RHBDD1: variants seen among roughly 807,000 people sequenced by gnomAD.
RHBDD1 encodes rhomboid-related protein 4.
A neutral mutation model predicts 36.3 loss-of-function variants in RHBDD1; 38 were observed. That is an observed-to-expected ratio of 1.05 (90% CI 0.81 to 1.37). The LOEUF is 1.37. Ranked by LOEUF, RHBDD1 falls within the 40% of genes most tolerant of loss-of-function variation. RHBDD1 has a pLI of 0.00. For missense variants in RHBDD1, 393 were observed against 377.6 expected (o/e 1.04, Z -0.34); for synonymous variants, 151 against 136.5 (o/e 1.11, Z -0.74).
intron 8 of RHBDD1, among the ~76,000 whole-genome samples, chr2:226,989,056 A>G (rs1024600544): frequency 6.6e-6 from 1 of 152,256 alleles, no homozygotes; most frequent in African/African-American, 2.4e-5. Context: ...GGGCTGAGGA[A>G]GACAACTGGA....
chr2:226,962,036 A>G (rs1266581700), intron 8 of RHBDD1, among the ~76,000 whole-genome samples: 1 of 152,094 alleles, frequency 6.6e-6, no homozygotes. Context: ...TTTTAAGCCC[A>G]TTTCAGACCA....
chr2:226,901,048 G>A (rs1575020234), intron 5 of RHBDD1, among the ~76,000 whole-genome samples: 1 of 152,112 alleles, frequency 6.6e-6, no homozygotes, highest in East Asian at 1.9e-4. Context: ...CCTAGTTCCT[G>A]GCAACCACTG....
At chr2:226,941,980 C>CT (rs1950692723) in intron 8 of RHBDD1, among the ~76,000 whole-genome samples, 1 of 152,116 alleles carries the variant, frequency 6.6e-6, no homozygotes. Context: ...AATCAAATGA[C>CT]TTTTTCAGGG....
chr2:226,812,313 T>C, the RHBDD1 span, among the ~76,000 whole-genome samples: 1 of 152,268 alleles, frequency 6.6e-6, no homozygotes, highest in Admixed American at 6.5e-5. Context: ...ATAAATTCTT[T>C]CAGCTTCTTC....
chr2:226,863,356 T>A (rs1421750562), intron 3 of RHBDD1, among the ~76,000 whole-genome samples: 1 of 152,074 alleles, frequency 6.6e-6, no homozygotes, highest in Non-Finnish European at 1.5e-5. Context: ...ATAAATACAT[T>A]CATTCATTCA....
chr2:226,991,781 T>C (rs567611403), intron 8 of RHBDD1, among the ~76,000 whole-genome samples: 28 of 152,304 alleles, frequency 1.8e-4, no homozygotes, highest in African/African-American at 6.5e-4. Context: ...TGGGATTTAA[T>C]CACAGGTTGT....
the RHBDD1 span, among the ~76,000 whole-genome samples, chr2:226,802,670 T>C: frequency 3.9e-5 from 6 of 152,260 alleles, no homozygotes; most frequent in African/African-American, 1.2e-4. Flanking sequence ...AAGAACAAGC[T>C]ATTACCAAAA....
At chr2:226,947,798 C>CA (rs1176051377) in intron 8 of RHBDD1, among the ~76,000 whole-genome samples, 10 of 152,010 alleles carry the variant, frequency 6.6e-5, no homozygotes, top group Admixed American at 5.9e-4. Context: ...TTTATGCAGC[C>CA]AAAAAACACA....
chr2:226,823,158 C>T, the RHBDD1 span, among the ~76,000 whole-genome samples: 2 of 152,102 alleles, frequency 1.3e-5, no homozygotes, highest in African/African-American at 4.8e-5. Flanking sequence ...GGCTTGTTTG[C>T]CTCTTTTTGT....
intron 8 of RHBDD1, among the ~76,000 whole-genome samples, chr2:226,959,593 C>G (rs931961192): frequency 6.6e-6 from 1 of 152,158 alleles, no homozygotes; most frequent in East Asian, 1.9e-4. Context: ...ATAGTTCATC[C>G]CTTTTCATTG....
chr2:226,940,727 A>G (rs1239899399), intron 8 of RHBDD1, among the ~76,000 whole-genome samples: 1 of 152,206 alleles, frequency 6.6e-6, no homozygotes. Context: ...AGAGGTCATC[A>G]TATCTGACAC....
upstream of RHBDD1, among the ~76,000 whole-genome samples, chr2:226,831,929 G>C (rs1448553016): frequency 1.4e-5 from 2 of 148,094 alleles, no homozygotes; most frequent in Non-Finnish European, 3.0e-5. Context: ...TTTTTGGCCA[G>C]TTTAATGTTG....
intron 8 of RHBDD1, among the ~76,000 whole-genome samples, chr2:226,955,447 A>G (rs763375989): frequency 2.0e-5 from 3 of 152,234 alleles, no homozygotes; most frequent in Non-Finnish European, 4.4e-5. Context: ...TTGTTGTACA[A>G]TATGCAGCTT....
Position 226,896,770 on chromosome 2 carries a change from C to T in RHBDD1, c.567-10023C>T, listed in dbSNP as rs181151275. ...GTGAGTTTCTAAATCCGTGCAGCAC[C>T]CTGTGCCCATATTTCTTGCTTACTA... On this transcript the variant is annotated intron_variant, in intron 5 of 8. Transcript: ENST00000392062. Among the ~76,000 whole-genome samples the T allele has an allele frequency of 7.0e-3, 1,041 of 148,918 alleles. 7 individuals carry two copies. Among genetic ancestry groups the T allele is most frequent in the Admixed American group, 0.018 (254 of 14,408 alleles).
chr2:226,817,473 AC>A, the RHBDD1 span, among the ~76,000 whole-genome samples: 2 of 152,218 alleles, frequency 1.3e-5, no homozygotes, highest in Non-Finnish European at 2.9e-5. Flanking sequence ...GAAATAACCC[AC>A]TAAGGCATTA....
rs189348067 is a variant in RHBDD1 at position 226,853,691 on chromosome 2, T to C, written c.-90-10913T>C. ...GACTTTTACTAAATTGGGCACAAGA[T>C]GTAATGTGTGGGATGCATGTGAAAT... On this transcript the variant is annotated intron_variant, in intron 3 of 8. Transcript: ENST00000392062. Among the ~76,000 whole-genome samples the C allele has an allele frequency of 2.1e-3, 315 of 152,354 alleles. 4 individuals carry two copies. The highest frequency in any genetic ancestry group is 7.3e-3 in the African/African-American group (302 of 41,578).
chr2:226,831,388 AG>A (rs940710783), upstream of RHBDD1, among the ~76,000 whole-genome samples: 1 of 152,198 alleles, frequency 6.6e-6, no homozygotes, highest in African/African-American at 2.4e-5. Flanking sequence ...ATTTCAAAAG[AG>A]GGTCATTGCA....
chr2:226,865,143 T>G lies in RHBDD1; in HGVS notation c.433+17T>G. 1 of 1,582,842 alleles carries G rather than the reference T, an allele frequency of 6.3e-7. No homozygotes were observed. Among genetic ancestry groups the G allele is most frequent in the Non-Finnish European group, 8.6e-7 (1 of 1,164,580 alleles). On this transcript the variant is annotated intron_variant, in intron 4 of 8. Transcript: ENST00000392062. ...GTTTCTCAGGTAAGGGAGACAAAAT[T>G]TTGAGGTTGCATGCATAAAGGAAGC...
At chr2:226,957,286 G>A (rs1010612945) in intron 8 of RHBDD1, among the ~76,000 whole-genome samples, 13 of 152,142 alleles carry the variant, frequency 8.5e-5, no homozygotes, top group East Asian at 3.9e-4. Context: ...GCTAACACTC[G>A]AAAACTCTTA....
Sources: gnomAD v4.1 joint callset for allele counts (sites outside exome capture counted in the v4.1 genomes callset) on GRCh38, gnomAD v4.1.1 for gene constraint, MANE v1.5 for transcripts, NCBI Gene and HGNC (gene_info 2026-07-23, HGNC 2026-07-21) for gene names.